The following CCDC73 variants were observed in gnomAD, a reference collection of about 807,000 sequenced individuals.
CCDC73 encodes the protein coiled-coil domain containing 73, also known as coiled-coil domain-containing protein 73.
A neutral mutation model predicts 116.5 loss-of-function variants in CCDC73; 95 were observed. That is an observed-to-expected ratio of 0.82 (90% CI 0.69 to 0.97). The LOEUF (loss-of-function observed/expected upper bound fraction) is 0.97, where lower values mean the gene tolerates loss of function less well. Among genes scored for constraint, CCDC73 ranks in the 50% least tolerant of loss-of-function variants. The probability of loss-of-function intolerance (pLI) is 0.00; values close to 1 mark genes in which losing one functional copy is unlikely to be tolerated. For synonymous variants in CCDC73, 398 were observed against 401.3 expected (o/e 0.99, Z 0.10); for missense variants, 1,066 against 1,206.8 (o/e 0.88, Z 1.73).
chr11:32,823,214 C>T, the CCDC73 span, among the ~76,000 whole-genome samples: 3 of 152,234 alleles, frequency 2.0e-5, no homozygotes, highest in Non-Finnish European at 2.9e-5. Context: ...TGGCTCATGC[C>T]TGTAATCCCA....
At chr11:32,676,401 A>G (rs1278813551) in intron 7 of CCDC73, among the ~76,000 whole-genome samples, 1 of 152,254 alleles carries the variant, frequency 6.6e-6, no homozygotes, top group Non-Finnish European at 1.5e-5. Flanking sequence ...CATTTGAATA[A>G]TCAGGACCTA....
chr11:32,690,986 G>A (rs1036487673), intron 6 of CCDC73, among the ~76,000 whole-genome samples: 1 of 151,158 alleles, frequency 6.6e-6, no homozygotes, highest in Admixed American at 6.6e-5. Context: ...TATTTTTACT[G>A]CCCTAAAAAA....
chr11:32,664,022 G>A (rs926141931), intron 9 of CCDC73, among the ~76,000 whole-genome samples: 2 of 152,188 alleles, frequency 1.3e-5, no homozygotes, highest in African/African-American at 4.8e-5. Context: ...GCATCCCAGG[G>A]ATGAAGCCCA....
chr11:32,693,909 G>C (rs182835126), intron 6 of CCDC73, among the ~76,000 whole-genome samples: 5 of 131,950 alleles, frequency 3.8e-5, no homozygotes, highest in Non-Finnish European at 8.6e-5. Flanking sequence ...TTGATGGAAC[G>C]CATCTCAAAA....
intron 14 of CCDC73, among the ~76,000 whole-genome samples, chr11:32,626,304 C>CCA (rs1234742311): frequency 1.3e-5 from 2 of 151,758 alleles, no homozygotes; most frequent in African/African-American, 4.8e-5. Flanking sequence ...GAACTACAAA[C>CCA]CACTGCTCAA....
intron 7 of CCDC73, among the ~76,000 whole-genome samples, chr11:32,676,916 G>A (rs900274442): frequency 6.6e-6 from 1 of 152,128 alleles, no homozygotes; most frequent in Non-Finnish European, 1.5e-5. Flanking sequence ...ATATTATATG[G>A]GCCTCTACTG....
intron 2 of CCDC73, among the ~76,000 whole-genome samples, chr11:32,727,572 A>AT (rs367794596): frequency 0.012 from 1,830 of 150,550 alleles, 36 homozygotes; most frequent in African/African-American, 0.042. Flanking sequence ...GCCTGAAGCA[A>AT]TTTTTTTTTC....
intron 14 of CCDC73, among the ~76,000 whole-genome samples, chr11:32,633,235 G>A (rs1243908806): frequency 2.0e-5 from 3 of 152,062 alleles, no homozygotes; most frequent in Non-Finnish European, 2.9e-5. Flanking sequence ...CAATAAAACT[G>A]AAAACTTCTA....
At position 32,613,050 on chromosome 11, in the gene CCDC73, A is replaced by C. The variant is rs187394186; in HGVS notation, c.2896+372T>G. ...TGTTATGCCTCATTATTACTTATAA[A>C]ACAGAAGGAAGAGCCGGATTTCTGG... On this transcript the variant is annotated intron_variant, in intron 16 of 17. Transcript: ENST00000335185. Among the ~76,000 whole-genome samples, 3 of 152,350 alleles carry C rather than the reference A, an allele frequency of 2.0e-5. No homozygotes were observed. In the East Asian group the frequency reaches 5.8e-4, roughly 29 times the overall value.
intron 12 of CCDC73, 134 bp from the exon 13 acceptor site, chr11:32,642,216 C>G (rs1456844015): frequency 7.7e-6 from 8 of 1,035,036 alleles, no homozygotes; most frequent in African/African-American, 1.7e-5. Context: ...GCTATCTCAA[C>G]AATAATTTTC....
At chr11:32,767,149 C>G (rs1218858870) in intron 1 of CCDC73, among the ~76,000 whole-genome samples, 2 of 152,052 alleles carry the variant, frequency 1.3e-5, no homozygotes, top group Non-Finnish European at 2.9e-5. Flanking sequence ...CAGAACAGAG[C>G]CCTCAGAAAT....
At chr11:32,731,985 G>T (rs905641709) in intron 2 of CCDC73, among the ~76,000 whole-genome samples, 1 of 152,160 alleles carries the variant, frequency 6.6e-6, no homozygotes, top group African/African-American at 2.4e-5. Context: ...AAAGGAGCAT[G>T]TTCGAACCCA....
intron 3 of CCDC73, among the ~76,000 whole-genome samples, 167 bp from the exon 4 acceptor site, chr11:32,703,111 G>A (rs1849827845): frequency 6.6e-6 from 1 of 152,088 alleles, no homozygotes; most frequent in South Asian, 2.1e-4. Flanking sequence ...TTTTGAGACA[G>A]GGTCTCACTC....
At chr11:32,605,305 C>T (rs1855334995) in intron 17 of CCDC73, 1 of 151,854 alleles carries the variant, frequency 6.6e-6, no homozygotes, top group African/African-American at 2.4e-5. Context: ...GAGAGTTTTA[C>T]CTCTGATCTT....
At chr11:32,778,407 G>C (rs1326835249) in intron 1 of CCDC73, among the ~76,000 whole-genome samples, 6 of 152,128 alleles carry the variant, frequency 3.9e-5, no homozygotes, top group Non-Finnish European at 7.4e-5. Flanking sequence ...TTGTTTTCTT[G>C]TTTAATTTAT....
At position 32,640,355 on chromosome 11, in the gene CCDC73, T is replaced by C. The variant is rs555067529; in HGVS notation, c.1050+1617A>G. On this transcript the variant is annotated intron_variant, in intron 13 of 17. Transcript: ENST00000335185. ...TTTTCTTGAGAGAGGAGCATGGTTG[T>C]AGTCTCAGAGAAAATGAATGTTTAA... is the stretch of plus-strand genomic sequence containing the variant. Among the ~76,000 whole-genome samples the C allele has an allele frequency of 5.9e-5, 9 of 152,344 alleles. No homozygotes were observed. The East Asian group carries it at 1.3e-3, about 23-fold the overall frequency.
At chr11:32,646,313 T>C (rs1261276691) in intron 12 of CCDC73, among the ~76,000 whole-genome samples, 1 of 152,206 alleles carries the variant, frequency 6.6e-6, no homozygotes, top group Admixed American at 6.5e-5. Flanking sequence ...GTCATGAGTC[T>C]CCTGTTTCCC....
intron 2 of CCDC73, among the ~76,000 whole-genome samples, chr11:32,750,588 C>G (rs1701249567): frequency 1.3e-5 from 2 of 152,118 alleles, no homozygotes; most frequent in Admixed American, 1.3e-4. Context: ...CTCAACTTTC[C>G]CAAAGCAGAG....
chr11:32,743,605 C>G (rs1168383716), intron 2 of CCDC73, among the ~76,000 whole-genome samples: 1 of 152,134 alleles, frequency 6.6e-6, no homozygotes, highest in Non-Finnish European at 1.5e-5. Flanking sequence ...TGTAGTTCTC[C>G]TGGAAGAGGT....
Sources: allele counts gnomAD v4.1 joint callset (sites outside exome capture counted in the v4.1 genomes callset), GRCh38; gene constraint gnomAD v4.1.1; transcripts MANE v1.5; gene names NCBI Gene and HGNC (gene_info 2026-07-23, HGNC 2026-07-21).